Variants in SYNE1 observed in about 807,000 individuals in gnomAD.
SYNE1 encodes the protein nesprin-1.
SYNE1 carries 616 observed loss-of-function variants against 1,111.0 expected under a neutral mutation model. The ratio of observed to expected loss-of-function variants is 0.55; its 90% CI spans 0.52 to 0.59. SYNE1 has a LOEUF of 0.59. SYNE1 is among the 20% of genes least tolerant of loss of function. The pLI is 0.00. For synonymous variants in SYNE1, 3,855 were observed against 3,825.8 expected, an observed-to-expected ratio of 1.01 and a Z score of -0.28; for missense variants, 10,006 against 10,417.0, an observed-to-expected ratio of 0.96 and a Z score of 1.72.
intron 100 of SYNE1, among the ~76,000 whole-genome samples, chr6:152,265,664 C>G (rs548279771): frequency 6.6e-6 from 1 of 152,268 alleles, no homozygotes; most frequent in Admixed American, 6.5e-5. Flanking sequence ...ACACCAGTAG[C>G]AAACCTTTTA....
At chr6:152,288,943 T>C (rs561689433) in intron 95 of SYNE1, among the ~76,000 whole-genome samples, 38 of 152,184 alleles carry the variant, frequency 2.5e-4, no homozygotes, top group Non-Finnish European at 4.7e-4. Context: ...AGTTTTTAAC[T>C]TCAAGATCTA....
At chr6:152,563,362 T>G (rs2099401234) in intron 3 of SYNE1, among the ~76,000 whole-genome samples, 1 of 152,118 alleles carries the variant, frequency 6.6e-6, no homozygotes, top group African/African-American at 2.4e-5. Flanking sequence ...ACTAGCCAAA[T>G]GCACCGCTCC....
chr6:152,626,768 C>A (rs2099686641), intron 3 of SYNE1, among the ~76,000 whole-genome samples: 1 of 152,190 alleles, frequency 6.6e-6, no homozygotes, highest in South Asian at 2.1e-4. Context: ...CAGAAGCTCT[C>A]AATCAAGTTG....
chr6:152,530,773 C>G (rs2099194604), intron 4 of SYNE1, among the ~76,000 whole-genome samples: 2 of 152,004 alleles, frequency 1.3e-5, no homozygotes, highest in East Asian at 1.9e-4. Context: ...AGGCGCCCAC[C>G]ACCACACCCA....
intron 57 of SYNE1, 107 bp from the exon 58 acceptor site, chr6:152,376,665 G>C: frequency 6.4e-7 from 1 of 1,553,428 alleles, no homozygotes; most frequent in Admixed American, 1.7e-5. Context: ...ACCTCACTTA[G>C]TAATATATTT....
chr6:152,145,899 C>T, intron 137 of SYNE1: 1 of 347,728 alleles, frequency 2.9e-6, no homozygotes, highest in Middle Eastern at 1.0e-3. Context: ...GTGACAGGTA[C>T]CTGTAATCCC....
intron 18 of SYNE1, 92 bp from the exon 19 acceptor site, chr6:152,463,609 T>C: frequency 9.1e-7 from 1 of 1,096,830 alleles, no homozygotes; most frequent in Middle Eastern, 2.2e-4. Context: ...ATATTTTTGT[T>C]TTAACATTCA....
At chr6:152,343,146 G>C (rs1404523429) in intron 74 of SYNE1, among the ~76,000 whole-genome samples, 1 of 120,072 alleles carries the variant, frequency 8.3e-6, no homozygotes, top group Non-Finnish European at 1.6e-5. Context: ...TCTTTCTTTC[G>C]TTTTCTTTTC....
intron 59 of SYNE1, among the ~76,000 whole-genome samples, chr6:152,371,446 T>C (rs1390859268): frequency 6.6e-6 from 1 of 151,408 alleles, no homozygotes; most frequent in Non-Finnish European, 1.5e-5. Context: ...TGTGAGTCAA[T>C]TCAACCTCTC....
At position 152,231,281 on chromosome 6, in the gene SYNE1, G is replaced by A. The variant is rs542057133; in HGVS notation, c.21039+110C>T. On this transcript the variant is annotated intron_variant, in intron 114 of 145. Transcript: ENST00000367255. ...AACCTTCAGCGGTATTATTGGAAGCGTTCTTTGCCCAGTATAGCCACGCTA... is the reference window on the plus strand; with the variant it reads ...AACCTTCAGCGGTATTATTGGAAGCATTCTTTGCCCAGTATAGCCACGCTA... The A allele has an allele frequency of 2.1e-5, 24 of 1,166,738 alleles. 1 individual carries two copies. Among genetic ancestry groups the A allele is most frequent in the South Asian group, 9.9e-5 (8 of 81,008 alleles). The allele number at this position is 1,166,738 out of a possible 1,614,324, so 72.3% of individuals were successfully genotyped here. A position where few individuals can be genotyped will look rare whatever the true frequency, so the allele number is the denominator to read the frequency against.
chr6:152,303,965 C>T (rs2095291799), intron 91 of SYNE1, among the ~76,000 whole-genome samples: 2 of 152,100 alleles, frequency 1.3e-5, no homozygotes, highest in Non-Finnish European at 2.9e-5. Flanking sequence ...TTCTTCCTGC[C>T]CAACTGAAGC....
intron 10 of SYNE1, among the ~76,000 whole-genome samples, chr6:152,501,736 C>CA (rs1232051419): frequency 0.045 from 4,091 of 89,940 alleles, 159 homozygotes; most frequent in African/African-American, 0.14. Context: ...CTCCATCTCA[C>CA]AAAAAAAAAA....
intron 5 of SYNE1, among the ~76,000 whole-genome samples, chr6:152,523,552 C>T (rs554170565): frequency 5.3e-5 from 8 of 151,944 alleles, no homozygotes; most frequent in East Asian, 3.9e-4. Context: ...TTTGCTTCCA[C>T]GTGAATTTTA....
chr6:152,465,152 G>A, intron 18 of SYNE1, 106 bp downstream of exon 18: 1 of 1,278,088 alleles, frequency 7.8e-7, no homozygotes, highest in South Asian at 1.2e-5. Flanking sequence ...CAAGATTCTT[G>A]AGTGACACTT....
At chr6:152,156,505 A>AT (rs1338531663) in intron 131 of SYNE1, among the ~76,000 whole-genome samples, 1 of 152,200 alleles carries the variant, frequency 6.6e-6, no homozygotes, top group Non-Finnish European at 1.5e-5. Flanking sequence ...AAACCCATGG[A>AT]TGCTTAAGTC....
At chr6:152,339,507 T>C in intron 74 of SYNE1, 141 bp from the exon 75 acceptor site, 1 of 1,238,700 alleles carries the variant, frequency 8.1e-7, no homozygotes, top group East Asian at 2.6e-5. Flanking sequence ...TCAAGTGACA[T>C]ATATTAGTGA....
rs145019492 is a variant in SYNE1 at position 152,600,474 on chromosome 6, C to T, written c.67+27791G>A. On this transcript the variant is annotated intron_variant, in intron 3 of 145. Transcript: ENST00000367255. The stretch of plus-strand genomic sequence containing the variant: ...TTTTGGCATCTTCTCCTTTGTCTTA[C>T]ATAGAAACTTAAGTGCAGAATTTTA... Among the ~76,000 whole-genome samples the T allele has an allele frequency of 1.1e-4, 17 of 152,210 alleles. No homozygotes were observed. In the East Asian group the frequency reaches 3.3e-3, roughly 29 times the overall value.
Position 152,419,597 on chromosome 6 carries a change from T to C in SYNE1, c.5393A>G (p.Asp1798Gly). ...LQTTSEISIM[D>G]HQVALTRHKD... is the part of the protein sequence containing the mutation. ...ATGCCGAGTAAGGGCTACTTGATGG[T>C]CCATTATGCTAATCTCAGAGGTAGT... is the stretch of plus-strand genomic sequence containing the variant. Residue 1798 changes from aspartate (D) to glycine (G), a missense_variant, in exon 40 of 146, where the codon GAC becomes GGC. Asp to Gly is a moderately conservative substitution (Grantham distance 94, BLOSUM62 -1). Around this residue, in one of 7 missense-constraint regions of SYNE1, gnomAD observed 4,955 missense variants for 5,017.2 expected, o/e 0.99. Transcript: ENST00000367255. 2 of 1,612,750 alleles carry C rather than the reference T, an allele frequency of 1.2e-6. No homozygotes were observed. Among genetic ancestry groups the C allele is most frequent in the Non-Finnish European group, 1.7e-6 (2 of 1,179,806 alleles).
Position 152,238,668 on chromosome 6 carries a change from G to A in SYNE1, c.20067+865C>T, listed in dbSNP as rs6905741. Among the ~76,000 whole-genome samples the A allele has an allele frequency of 0.74, 112,904 of 151,878 alleles. 42,498 individuals carry two copies. Among genetic ancestry groups the A allele is most frequent in the East Asian group, 0.89 (4,585 of 5,124 alleles). On this transcript the variant is annotated intron_variant, in intron 108 of 145. Transcript: ENST00000367255. ...GAGTGGGTGGGGAAGTCCACAAAGG[G>A]GAGAGAGATTATAATCTCTAAAACT...
Sources: allele counts gnomAD v4.1 joint callset (sites outside exome capture counted in the v4.1 genomes callset), GRCh38; gene constraint gnomAD v4.1.1; regional missense constraint gnomAD v4.1.1; transcripts MANE v1.5; gene names NCBI Gene and HGNC (gene_info 2026-07-23, HGNC 2026-07-21).